CTNNA2: variants seen among roughly 807,000 people sequenced by gnomAD.
CTNNA2 encodes catenin alpha-2.
CTNNA2 carries 42 observed loss-of-function variants against 101.0 expected under a neutral mutation model. The ratio of observed to expected loss-of-function variants is 0.42; its 90% CI spans 0.32 to 0.54. The LOEUF (loss-of-function observed/expected upper bound fraction) is 0.54, where lower values mean the gene tolerates loss of function less well. Among genes scored for constraint, CTNNA2 ranks in the 20% least tolerant of loss-of-function variants. CTNNA2 has a pLI of 0.14. For synonymous variants in CTNNA2, 450 were observed against 456.4 expected, an observed-to-expected ratio of 0.99 and a Z score of 0.18; for missense variants, 871 against 1,223.1, an observed-to-expected ratio of 0.71 and a Z score of 4.29.
intron 3 of CTNNA2, among the ~76,000 whole-genome samples, chr2:79,314,056 C>G (rs913465077): frequency 1.3e-5 from 2 of 152,042 alleles, no homozygotes; most frequent in Non-Finnish European, 2.9e-5. Flanking sequence ...AGTCATTTTT[C>G]CTAACTCACT....
At chr2:79,891,719 G>A (rs1252232047) in intron 6 of CTNNA2, among the ~76,000 whole-genome samples, 1 of 152,068 alleles carries the variant, frequency 6.6e-6, no homozygotes, top group Admixed American at 6.5e-5. Context: ...AATGACATAG[G>A]CAAAGGCACA....
chr2:79,394,867 G>C (rs1678212928), intron 4 of CTNNA2, among the ~76,000 whole-genome samples: 1 of 152,080 alleles, frequency 6.6e-6, no homozygotes, highest in Non-Finnish European at 1.5e-5. Flanking sequence ...TCATACCCCA[G>C]TCCAAATAGA....
At chr2:79,509,334 C>T (rs1671485805), upstream of CTNNA2, among the ~76,000 whole-genome samples, 3 of 151,982 alleles carry the variant, frequency 2.0e-5, no homozygotes, top group Admixed American at 2.0e-4. Context: ...CATCTTTATT[C>T]ATAATTGCCA....
intron 7 of CTNNA2, among the ~76,000 whole-genome samples, chr2:80,266,547 C>T (rs1335564351): frequency 6.6e-6 from 1 of 152,244 alleles, no homozygotes; most frequent in African/African-American, 2.4e-5. Flanking sequence ...TACAATTTTT[C>T]TATGCCCTCT....
At chr2:79,898,637 A>C (rs867175739) in intron 6 of CTNNA2, among the ~76,000 whole-genome samples, 1 of 152,224 alleles carries the variant, frequency 6.6e-6, no homozygotes, top group South Asian at 2.1e-4. Flanking sequence ...CATTAGGAGA[A>C]TGAAGGGAGA....
intron 7 of CTNNA2, among the ~76,000 whole-genome samples, chr2:80,347,295 A>C (rs1307151687): frequency 6.6e-6 from 1 of 152,146 alleles, no homozygotes; most frequent in Non-Finnish European, 1.5e-5. Context: ...CCCACATTAC[A>C]CTGTAAAACC....
At chr2:80,181,393 C>T (rs1356415146) in intron 7 of CTNNA2, among the ~76,000 whole-genome samples, 3 of 152,184 alleles carry the variant, frequency 2.0e-5, no homozygotes, top group East Asian at 1.9e-4. Context: ...CCCACAGCCT[C>T]ATCAGGGTCC....
At chr2:79,954,405 G>A (rs1406248202) in intron 7 of CTNNA2, among the ~76,000 whole-genome samples, 1 of 152,140 alleles carries the variant, frequency 6.6e-6, no homozygotes, top group Non-Finnish European at 1.5e-5. Context: ...ACTCTGGACT[G>A]CAGATCTCAA....
intron 3 of CTNNA2, among the ~76,000 whole-genome samples, chr2:79,846,450 C>G (rs952882087): frequency 2.0e-5 from 3 of 152,132 alleles, no homozygotes; most frequent in Admixed American, 6.5e-5. Flanking sequence ...GAGTATTATT[C>G]AAGTATTATT....
intron 7 of CTNNA2, among the ~76,000 whole-genome samples, chr2:79,945,602 C>G (rs779290360): frequency 1.3e-5 from 2 of 152,088 alleles, no homozygotes; most frequent in Non-Finnish European, 2.9e-5. Context: ...ATTTAACTGT[C>G]TATTTGAAAT....
chr2:79,639,907 C>T lies in CTNNA2; in HGVS notation c.-5-11645C>T, dbSNP rs114994583. Among the ~76,000 whole-genome samples, 1,443 of 151,166 alleles carry T rather than the reference C, an allele frequency of 9.5e-3. 7 individuals carry two copies. The highest frequency in any genetic ancestry group is 0.015 in the Non-Finnish European group (987 of 67,864). ...AAAAAATCTCCTTCCTGCATCAGAA[C>T]ATTTGTATTTTATTTTAACTATAAT... On this transcript the variant is annotated intron_variant, in intron 1 of 18. Transcript: ENST00000402739.
chr2:80,132,127 G>A (rs3849389), intron 7 of CTNNA2, among the ~76,000 whole-genome samples: 55,627 of 151,894 alleles, frequency 0.37, 11,483 homozygotes, highest in Non-Finnish European at 0.48. Context: ...TTAATTTTCT[G>A]CTTGGATGAT....
At chr2:79,511,024 T>C (rs1419946032), upstream of CTNNA2, among the ~76,000 whole-genome samples, 1 of 152,246 alleles carries the variant, frequency 6.6e-6, no homozygotes, top group Non-Finnish European at 1.5e-5. Flanking sequence ...TAAATTTGTC[T>C]GGTCACTCTT....
chr2:80,623,903 T>C (rs1444653740), intron 18 of CTNNA2, among the ~76,000 whole-genome samples: 1 of 151,848 alleles, frequency 6.6e-6, no homozygotes, highest in African/African-American at 2.4e-5. Flanking sequence ...TTGGGAAAAA[T>C]AGTTTAGGGT....
intron 9 of CTNNA2, among the ~76,000 whole-genome samples, chr2:80,541,155 A>G (rs1691519638): frequency 1.3e-5 from 2 of 151,012 alleles, no homozygotes; most frequent in African/African-American, 2.5e-5. Flanking sequence ...AAGGGAAGGT[A>G]GGGATTTGGA....
chr2:79,338,575 A>ATCTTCTTTTTCCTCTTCTTCTTCTTCT lies in CTNNA2; in HGVS notation c.-318+25781_-318+25782insTTCTTTTTCCTCTTCTTCTTCTTCTTC, dbSNP rs1239699778. Among the ~76,000 whole-genome samples the ATCTTCTTTTTCCTCTTCTTCTTCTTCT allele has an allele frequency of 1.0e-3, 120 of 115,512 alleles. 2 individuals are homozygous for ATCTTCTTTTTCCTCTTCTTCTTCTTCT. The highest frequency in any genetic ancestry group is 3.2e-3 in the East Asian group (13 of 4,032). The allele number at this position is 115,512 out of a possible 152,430, so 75.8% of individuals were successfully genotyped here. A position where few individuals can be genotyped will look rare whatever the true frequency, so the allele number is the denominator to read the frequency against. On this transcript the variant is annotated intron_variant, in intron 3 of 21. Coordinates refer to the CTNNA2 transcript ENST00000466387. ...ATTTTTCTTCTTCTTCTTCCTCCTC[A>ATCTTCTTTTTCCTCTTCTTCTTCTTCT]TCATCTTCTTCTTCTTCTTCTTCTT...
At chr2:79,936,669 T>C (rs1687816864) in intron 7 of CTNNA2, among the ~76,000 whole-genome samples, 1 of 152,172 alleles carries the variant, frequency 6.6e-6, no homozygotes, top group Non-Finnish European at 1.5e-5. Flanking sequence ...TAAGCCATCG[T>C]TCCTCACCTT....
chr2:80,529,138 T>C (rs1690299785), intron 9 of CTNNA2, among the ~76,000 whole-genome samples: 2 of 152,178 alleles, frequency 1.3e-5, no homozygotes, highest in African/African-American at 4.8e-5. Flanking sequence ...GTAGTTTTTA[T>C]AGGTATACCA....
At chr2:80,182,162 G>A (rs574581006) in intron 7 of CTNNA2, among the ~76,000 whole-genome samples, 2 of 152,300 alleles carry the variant, frequency 1.3e-5, no homozygotes, top group East Asian at 1.9e-4. Flanking sequence ...CAAAAGTAGG[G>A]AAGCAGACAG....
Sources: gnomAD v4.1 joint callset for allele counts (sites outside exome capture counted in the v4.1 genomes callset) on GRCh38, gnomAD v4.1.1 for gene constraint, MANE v1.5 for transcripts, NCBI Gene and HGNC (gene_info 2026-07-23, HGNC 2026-07-21) for gene names.